The following MYO1D variants were observed in gnomAD, a reference collection of about 807,000 sequenced individuals.
The protein encoded by MYO1D is unconventional myosin-Id.
MYO1D carries 83 observed loss-of-function variants against 122.0 expected under a neutral mutation model. That is an observed-to-expected ratio of 0.68 (90% CI 0.57 to 0.82). The LOEUF (loss-of-function observed/expected upper bound fraction) is 0.82. Ranked by LOEUF, MYO1D falls within the 40% of genes least tolerant of loss-of-function variation. MYO1D has a pLI of 0.00. For synonymous variants in MYO1D, 464 were observed against 446.9 expected, an observed-to-expected ratio of 1.04 and a Z score of -0.48; for missense variants, 1,157 against 1,269.5, an observed-to-expected ratio of 0.91 and a Z score of 1.35.
At chr17:32,708,576 T>C (rs1315583313) in intron 16 of MYO1D, among the ~76,000 whole-genome samples, 1 of 152,168 alleles carries the variant, frequency 6.6e-6, no homozygotes, top group Non-Finnish European at 1.5e-5. Context: ...ACACATCACA[T>C]GGTTAGGTGA....
intron 21 of MYO1D, among the ~76,000 whole-genome samples, chr17:32,557,206 C>T (rs1286627469): frequency 6.6e-6 from 1 of 151,620 alleles, no homozygotes; most frequent in Non-Finnish European, 1.5e-5. Context: ...GCAACCTCTG[C>T]CTTCCGGTTT....
intron 1 of MYO1D, among the ~76,000 whole-genome samples, chr17:32,793,365 A>G: frequency 6.6e-6 from 1 of 150,714 alleles, no homozygotes; most frequent in East Asian, 2.0e-4. Flanking sequence ...CTGTCTCTCA[A>G]TCTCTCTCTC....
At chr17:32,769,322 G>A (rs1289846983) in intron 6 of MYO1D, among the ~76,000 whole-genome samples, 2 of 152,198 alleles carry the variant, frequency 1.3e-5, no homozygotes, top group Non-Finnish European at 2.9e-5. Context: ...TGGCAGAGTT[G>A]TAAGTTGGGG....
intron 1 of MYO1D, among the ~76,000 whole-genome samples, chr17:32,827,784 T>C (rs1405988008): frequency 3.3e-5 from 5 of 152,144 alleles, no homozygotes; most frequent in Admixed American, 2.6e-4. Context: ...CAAGGAATTG[T>C]CTTTTATGCC....
At chr17:32,674,512 T>A (rs1427940694) in intron 16 of MYO1D, among the ~76,000 whole-genome samples, 2 of 152,198 alleles carry the variant, frequency 1.3e-5, no homozygotes, top group Non-Finnish European at 2.9e-5. Flanking sequence ...ACACTTGACA[T>A]ACATTAAGAA....
intron 7 of MYO1D, among the ~76,000 whole-genome samples, chr17:32,765,757 CTT>C (rs1162706503): frequency 6.6e-6 from 1 of 152,028 alleles, no homozygotes; most frequent in East Asian, 1.9e-4. Flanking sequence ...CGCGCCTGGC[CTT>C]TTTCCTTAAA....
intron 21 of MYO1D, among the ~76,000 whole-genome samples, chr17:32,545,094 T>C (rs2150880803): frequency 6.6e-6 from 1 of 152,286 alleles, no homozygotes; most frequent in African/African-American, 2.4e-5. Context: ...TGTTCCATCT[T>C]GCCCCTCTCT....
At chr17:32,536,013 G>A (rs1910654998) in intron 21 of MYO1D, among the ~76,000 whole-genome samples, 1 of 152,114 alleles carries the variant, frequency 6.6e-6, no homozygotes, top group South Asian at 2.1e-4. Flanking sequence ...GGTCTCCCAG[G>A]ATACAGACTC....
intron 21 of MYO1D, among the ~76,000 whole-genome samples, chr17:32,599,825 G>C (rs2087541970): frequency 1.3e-5 from 2 of 152,246 alleles, no homozygotes; most frequent in Middle Eastern, 3.4e-3. Flanking sequence ...GCTAATTTTT[G>C]TATTTTTAGT....
At chr17:32,600,330 G>A (rs1567904333) in intron 21 of MYO1D, among the ~76,000 whole-genome samples, 1 of 152,198 alleles carries the variant, frequency 6.6e-6, no homozygotes, top group Non-Finnish European at 1.5e-5. Context: ...GACACTAGCT[G>A]CATTAGCTCC....
Position 32,559,140 on chromosome 17 carries a change from T to G in MYO1D, c.2864+45947A>C, listed in dbSNP as rs148783158. On this transcript the variant is annotated intron_variant, in intron 21 of 21. Coordinates refer to ENST00000318217, the MANE Select transcript of MYO1D (RefSeq NM_015194.3). ...TTTCAAGGGCTTCTAAATTACTGAATTGGATCTTGAATTTCCTGAACTTTA... is the reference window on the plus strand; with the variant it reads ...TTTCAAGGGCTTCTAAATTACTGAAGTGGATCTTGAATTTCCTGAACTTTA... Among the ~76,000 whole-genome samples, 285 of 152,346 alleles carry G rather than the reference T, an allele frequency of 1.9e-3. 1 individual carries two copies. The highest frequency in any genetic ancestry group is 6.2e-3 in the African/African-American group (258 of 41,590).
chr17:32,874,760 C>T (rs1021337470), intron 1 of MYO1D, among the ~76,000 whole-genome samples: 9 of 152,004 alleles, frequency 5.9e-5, no homozygotes, highest in Non-Finnish European at 1.0e-4. Context: ...AAGGGCCCAT[C>T]TCTAAAAAAT....
chr17:32,768,328 T>C (rs1449512804), intron 6 of MYO1D, among the ~76,000 whole-genome samples: 1 of 152,242 alleles, frequency 6.6e-6, no homozygotes, highest in Non-Finnish European at 1.5e-5. Flanking sequence ...GATACGCATT[T>C]CACAAGTCAG....
intron 1 of MYO1D, among the ~76,000 whole-genome samples, chr17:32,834,241 A>C (rs780988211): frequency 6.6e-6 from 1 of 152,220 alleles, no homozygotes; most frequent in Non-Finnish European, 1.5e-5. Context: ...AAATTAGTAG[A>C]ACACTTTGGG....
rs573547791 is a variant in MYO1D at position 32,538,235 on chromosome 17, A to G, written c.2865-43320T>C. Among the ~76,000 whole-genome samples, 29 of 152,072 alleles carry G rather than the reference A, an allele frequency of 1.9e-4. No individual in the cohort carries two copies. In the South Asian group the frequency reaches 5.8e-3, roughly 31 times the overall value. ...AGCTAAAGATAATGGAAAAACGAGT[A>G]AAAATTGGGAGGGAGTAGTCAAAGG... On this transcript the variant is annotated intron_variant, in intron 21 of 21. Coordinates refer to ENST00000318217, the MANE Select transcript of MYO1D (RefSeq NM_015194.3).
chr17:32,873,341 T>C (rs2091199907), intron 1 of MYO1D, among the ~76,000 whole-genome samples: 1 of 151,952 alleles, frequency 6.6e-6, no homozygotes, highest in African/African-American at 2.4e-5. Context: ...AAGAGCCAGG[T>C]GGGAAGGGAG....
At chr17:32,630,354 G>C (rs2087987469) in intron 20 of MYO1D, among the ~76,000 whole-genome samples, 1 of 152,060 alleles carries the variant, frequency 6.6e-6, no homozygotes, top group African/African-American at 2.4e-5. Context: ...GTCCAGCCTA[G>C]TAATATTCTA....
intron 16 of MYO1D, among the ~76,000 whole-genome samples, chr17:32,672,108 G>A (rs544631364): frequency 4.5e-4 from 69 of 152,314 alleles, no homozygotes; most frequent in African/African-American, 1.5e-3. Context: ...CATGTGCTGG[G>A]CTCTGTGCCA....
In MYO1D at chr17:32,645,954, G is replaced by A. The variant is rs536323329; in HGVS notation, c.2596-7119C>T. On this transcript the variant is annotated intron_variant, in intron 19 of 21. Coordinates refer to ENST00000318217, the MANE Select transcript of MYO1D (RefSeq NM_015194.3). Reference sequence around the variant, plus strand: ...TGTTCCATTGCTGGTGAGGAGCTGCGTTCCTTTGGAGGAGGAGAGGTGCTC... The same window carrying A: ...TGTTCCATTGCTGGTGAGGAGCTGCATTCCTTTGGAGGAGGAGAGGTGCTC... Among the ~76,000 whole-genome samples, 9 of 152,166 alleles carry A rather than the reference G, an allele frequency of 5.9e-5. No homozygotes were observed. In the South Asian group the frequency reaches 1.4e-3, roughly 24 times the overall value.
Sources: allele counts gnomAD v4.1 joint callset (sites outside exome capture counted in the v4.1 genomes callset), GRCh38; gene constraint gnomAD v4.1.1; transcripts MANE v1.5; gene names NCBI Gene and HGNC (gene_info 2026-07-23, HGNC 2026-07-21).